Variants in SGCZ observed in about 807,000 individuals in gnomAD.
SGCZ encodes the protein sarcoglycan zeta, also known as zeta-sarcoglycan.
Under a neutral mutation model 41.3 loss-of-function variants are expected in SGCZ, and 40 were observed. The ratio of observed to expected loss-of-function variants is 0.97; its 90% CI spans 0.75 to 1.26. The LOEUF (loss-of-function observed/expected upper bound fraction) is 1.26. Ranked by LOEUF, SGCZ falls within the 50% of genes most tolerant of loss-of-function variation. SGCZ has a pLI of 0.00. For missense variants in SGCZ, 552 were observed against 369.8 expected (o/e 1.49, Z -4.04); for synonymous variants, 206 against 137.5 (o/e 1.50, Z -3.49).
At chr8:15,116,050 A>G (rs936812560) in intron 1 of SGCZ, among the ~76,000 whole-genome samples, 1 of 152,220 alleles carries the variant, frequency 6.6e-6, no homozygotes, top group African/African-American at 2.4e-5. Context: ...TAAACAATAT[A>G]TAAGCAAATG....
chr8:14,766,963 A>G (rs558462670), intron 1 of SGCZ, among the ~76,000 whole-genome samples: 22 of 152,276 alleles, frequency 1.4e-4, no homozygotes, highest in African/African-American at 2.9e-4. Context: ...TAGAAACTAA[A>G]TGTTTTGAAA....
At chr8:14,400,931 T>C (rs1160476164) in intron 2 of SGCZ, among the ~76,000 whole-genome samples, 1 of 152,210 alleles carries the variant, frequency 6.6e-6, no homozygotes, top group Non-Finnish European at 1.5e-5. Flanking sequence ...GTTTCTGTCT[T>C]GTTTTGTTAA....
chr8:14,990,858 G>A (rs1801991114), intron 1 of SGCZ, among the ~76,000 whole-genome samples: 1 of 151,994 alleles, frequency 6.6e-6, no homozygotes, highest in Non-Finnish European at 1.5e-5. Context: ...GGGAGAGAAA[G>A]GAGTGCAATT....
chr8:14,940,332 T>C (rs755147262), intron 1 of SGCZ, among the ~76,000 whole-genome samples: 1 of 152,116 alleles, frequency 6.6e-6, no homozygotes, highest in African/African-American at 2.4e-5. Flanking sequence ...TTATGCATCA[T>C]AAAATATAAC....
chr8:14,995,398 T>C (rs919940211), intron 1 of SGCZ, among the ~76,000 whole-genome samples: 1 of 152,122 alleles, frequency 6.6e-6, no homozygotes, highest in Admixed American at 6.6e-5. Flanking sequence ...TGGGAGACGA[T>C]TAATAGGGAT....
chr8:15,008,063 A>G (rs1802670246), intron 1 of SGCZ, among the ~76,000 whole-genome samples: 1 of 152,178 alleles, frequency 6.6e-6, no homozygotes, highest in Non-Finnish European at 1.5e-5. Context: ...TTCTATAAAA[A>G]TATCAAAAAA....
intron 1 of SGCZ, among the ~76,000 whole-genome samples, chr8:14,663,731 T>C (rs1807824983): frequency 6.6e-6 from 1 of 152,150 alleles, no homozygotes; most frequent in African/African-American, 2.4e-5. Flanking sequence ...AAATAGTATC[T>C]TGGAGTAATT....
intron 1 of SGCZ, among the ~76,000 whole-genome samples, chr8:14,797,793 A>G (rs1563276356): frequency 6.6e-6 from 1 of 152,086 alleles, no homozygotes; most frequent in East Asian, 1.9e-4. Context: ...CAGCCTAGGG[A>G]TTTGGTGCCC....
At chr8:14,531,734 A>G (rs1233021797) in intron 2 of SGCZ, among the ~76,000 whole-genome samples, 1 of 151,934 alleles carries the variant, frequency 6.6e-6, no homozygotes, top group East Asian at 1.9e-4. Context: ...CTTCCCTACT[A>G]GTTTATTTTC....
intron 1 of SGCZ, among the ~76,000 whole-genome samples, chr8:14,567,028 C>A (rs889852654): frequency 1.3e-5 from 2 of 152,222 alleles, no homozygotes; most frequent in Non-Finnish European, 2.9e-5. Flanking sequence ...GCAGTGCCGG[C>A]TCCCCGGGGC....
rs563417157 is a variant in SGCZ, at chr8:14,553,654, C to T, written c.234+1078G>A. On this transcript the variant is annotated intron_variant, in intron 2 of 7. Coordinates refer to ENST00000382080, the MANE Select transcript of SGCZ (RefSeq NM_139167.4). ...TTGCTCACATAATTGTGGTGCCTTA[C>T]AACATGGACGGCAGCTAGGGTCATT... 3.9e-5 allele frequency among the ~76,000 whole-genome samples: 6 copies of T among 152,122 alleles called. No individual in the cohort carries two copies. In the South Asian group the frequency reaches 8.3e-4, roughly 21 times the overall value.
chr8:15,045,260 G>A (rs138091133), intron 1 of SGCZ, among the ~76,000 whole-genome samples: 44 of 152,102 alleles, frequency 2.9e-4, no homozygotes, highest in African/African-American at 9.9e-4. Flanking sequence ...CAGATAGATT[G>A]GGAGATCAGA....
chr8:14,124,484 T>C (rs1168818723), intron 5 of SGCZ, among the ~76,000 whole-genome samples: 2 of 152,200 alleles, frequency 1.3e-5, no homozygotes, highest in East Asian at 1.9e-4. Flanking sequence ...GATTAATTAA[T>C]ATACAGTTGA....
intron 1 of SGCZ, among the ~76,000 whole-genome samples, chr8:14,882,375 A>G (rs773500087): frequency 3.9e-5 from 6 of 152,164 alleles, no homozygotes; most frequent in Non-Finnish European, 5.9e-5. Context: ...CTGTCTCCCT[A>G]TTTTATTTTC....
At position 14,233,043 on chromosome 8, in the gene SGCZ, T is replaced by G. The variant is rs532814890; in HGVS notation, c.424+4549A>C. Among the ~76,000 whole-genome samples the G allele has an allele frequency of 2.0e-5, 3 of 152,110 alleles. No individual in the cohort carries two copies. The East Asian group carries it at 5.8e-4, about 29-fold the overall frequency. ...GCCATAATAAGTATCTCAAAAGTCA[T>G]TGGGACTAGAATTTAAATGAGGAAT... On this transcript the variant is annotated intron_variant, in intron 4 of 7. Coordinates refer to ENST00000382080, the MANE Select transcript of SGCZ (RefSeq NM_139167.4).
intron 1 of SGCZ, among the ~76,000 whole-genome samples, chr8:14,841,905 T>C (rs1348070097): frequency 6.6e-6 from 1 of 152,182 alleles, no homozygotes. Flanking sequence ...CCTGCAGCCC[T>C]GTGCTCTTCA....
intron 2 of SGCZ, among the ~76,000 whole-genome samples, chr8:14,497,314 T>C (rs983150895): frequency 2.0e-5 from 3 of 152,140 alleles, no homozygotes. Context: ...GCGTGTCTCA[T>C]GGTCAGAGAG....
intron 3 of SGCZ, among the ~76,000 whole-genome samples, chr8:14,318,994 A>AAATG (rs1210315085): frequency 6.6e-6 from 1 of 151,912 alleles, no homozygotes; most frequent in African/African-American, 2.4e-5. Flanking sequence ...GAAAAAAAAT[A>AAATG]AATGAATGGA....
At chr8:14,338,932 G>C (rs1271290012) in intron 2 of SGCZ, among the ~76,000 whole-genome samples, 24 of 152,170 alleles carry the variant, frequency 1.6e-4, no homozygotes, top group East Asian at 1.9e-4. Flanking sequence ...CCTGGCTTCA[G>C]CCTGGACAAG....
Sources: gnomAD v4.1 joint callset for allele counts (sites outside exome capture counted in the v4.1 genomes callset) on GRCh38, gnomAD v4.1.1 for gene constraint, MANE v1.5 for transcripts, NCBI Gene and HGNC (gene_info 2026-07-23, HGNC 2026-07-21) for gene names.